CREBBP: variants seen among roughly 807,000 people sequenced by gnomAD.
The protein encoded by CREBBP is CREB-binding protein.
CREBBP carries 19 observed loss-of-function variants against 265.0 expected under a neutral mutation model. The observed-to-expected ratio is 0.07, with a 90% CI of 0.05 to 0.11. The LOEUF (loss-of-function observed/expected upper bound fraction) is 0.11. Among genes scored for constraint, CREBBP ranks in the 10% least tolerant of loss-of-function variants. The probability of loss-of-function intolerance (pLI) is 1.00; values close to 1 mark genes in which losing one functional copy is unlikely to be tolerated. For missense variants in CREBBP, 2,525 were observed against 3,219.0 expected (o/e 0.78, Z 5.22); for synonymous variants, 1,457 against 1,223.7 (o/e 1.19, Z -3.98).
At chr16:3,740,168 C>T (rs113336820) in intron 24 of CREBBP, among the ~76,000 whole-genome samples, 2 of 152,188 alleles carry the variant, frequency 1.3e-5, no homozygotes, top group Non-Finnish European at 2.9e-5. Flanking sequence ...AAATTATAAA[C>T]AGTATACTAT....
At chr16:3,873,577 A>G (rs1473245867) in intron 1 of CREBBP, among the ~76,000 whole-genome samples, 1 of 152,210 alleles carries the variant, frequency 6.6e-6, no homozygotes, top group African/African-American at 2.4e-5. Context: ...TCCCTGGTTA[A>G]CGCTAGTGTC....
chr16:3,727,077 A>T lies in CREBBP; in HGVS notation c.*641T>A. The T allele has an allele frequency of 4.3e-6, 1 of 234,120 alleles. No homozygotes were observed. Among genetic ancestry groups the T allele is most frequent in the Non-Finnish European group, 8.4e-6 (1 of 118,394 alleles). The allele number at this position is 234,120 out of a possible 1,614,324, so 14.5% of individuals were successfully genotyped here. A position where few individuals can be genotyped will look rare whatever the true frequency, so the allele number is the denominator to read the frequency against. On this transcript the variant is annotated 3_prime_UTR_variant, in exon 31 of 31. Transcript: ENST00000262367. ...GTCTAAAACCAGTTTTATCAGAGAAACAAAGCAACAATTTCTACATCTGCA... is the reference window on the plus strand; with the variant it reads ...GTCTAAAACCAGTTTTATCAGAGAATCAAAGCAACAATTTCTACATCTGCA...
chr16:3,867,314 G>A (rs2055196381), intron 1 of CREBBP, among the ~76,000 whole-genome samples: 1 of 152,106 alleles, frequency 6.6e-6, no homozygotes, highest in East Asian at 1.9e-4. Context: ...AACATAGCAA[G>A]ACCCTGTCTC....
rs755425299 is a variant in CREBBP at position 3,731,200 on chromosome 16, C to G, written c.5164G>C (p.Val1722Leu). The G allele has an allele frequency of 6.2e-7, 1 of 1,612,550 alleles. No individual in the cohort carries two copies. The highest frequency in any genetic ancestry group is 2.2e-5 in the East Asian group (1 of 44,838). The change falls in exon 30 of 31, where the codon GTG becomes CTG. Residue 1722 changes from valine to leucine, a missense_variant. By Grantham distance (32) the Val-to-Leu change is conservative. Around this residue, in one of 19 missense-constraint regions of CREBBP, gnomAD observed 62 missense variants for 156.2 expected, o/e 0.40. Transcript: ENST00000262367. This position sits in a 1 kb window ranked among gnomAD's most constrained non-coding sequence, Gnocchi z 7.7. ...GTGGGGGCAGGGCCTACCTCGCACA[C>G]AGTGCAGTGCCAGCGCGTCTCCACG... is the stretch of plus-strand genomic sequence containing the variant. ...HHVETRWHCT[V>L]CEDYDLCINC...
chr16:3,739,776 G>A (rs2151337977), intron 24 of CREBBP, 52 bp from the exon 25 acceptor site: 1 of 1,613,070 alleles, frequency 6.2e-7, no homozygotes, highest in African/African-American at 1.3e-5. Flanking sequence ...CTGACAAGGT[G>A]CTTCTGCACA....
At chr16:3,768,280 G>C (rs537809491) in intron 15 of CREBBP, among the ~76,000 whole-genome samples, 1 of 150,246 alleles carries the variant, frequency 6.7e-6, no homozygotes, top group East Asian at 2.0e-4. Context: ...CGAGTAGCTG[G>C]GATTACACGT....
At chr16:3,753,700 A>G (rs186174622) in intron 19 of CREBBP, among the ~76,000 whole-genome samples, 1 of 152,342 alleles carries the variant, frequency 6.6e-6, no homozygotes, top group Admixed American at 6.5e-5. Context: ...TACAGAAACT[A>G]TAAACCAATT....
In CREBBP at chr16:3,729,283, G is replaced by C. The variant is rs1035114591; in HGVS notation, c.5764C>G (p.Pro1922Ala). 1.2e-5 allele frequency: 18 copies of C among 1,536,354 alleles called. No individual in the cohort carries two copies. Among genetic ancestry groups the C allele is most frequent in the Non-Finnish European group, 1.3e-5 (15 of 1,145,524 alleles). Residue 1922 changes from proline (P) to alanine (A), a missense_variant, in exon 31 of 31, where the codon CCC (proline) becomes GCC (alanine). By Grantham distance (27) the Pro-to-Ala change is conservative (BLOSUM62 -1). This residue lies in a region of CREBBP where 275 missense variants were observed against 276.5 expected (regional missense o/e 0.99). Coordinates refer to ENST00000262367, the MANE Select transcript of CREBBP (RefSeq NM_004380.3). ...GGGGGCTGAGTCCGGGCCACGCTGG[G>C]GAAGCCAGCTGGTGACATGCTCACG... ...SPVSMSPAGF[P>A]SVARTQPPTT...
At chr16:3,783,243 A>C (rs1234552523) in intron 5 of CREBBP, among the ~76,000 whole-genome samples, 2 of 152,222 alleles carry the variant, frequency 1.3e-5, no homozygotes, top group Non-Finnish European at 2.9e-5. Flanking sequence ...TCAAGAAGTC[A>C]GTTCCAGGGA....
In CREBBP at chr16:3,728,117, C is replaced by A. The variant is rs764944681; in HGVS notation, c.6930G>T (p.Gln2310His). The change falls in exon 31 of 31, where the codon CAG becomes CAT. Residue 2310 changes from glutamine (Q) to histidine (H), a missense_variant. Gln to His is a conservative substitution (Grantham distance 24). Coordinates refer to ENST00000262367, the MANE Select transcript of CREBBP (RefSeq NM_004380.3). The surrounding 1 kb of genome is among the most constrained non-coding windows in gnomAD (Gnocchi z 8.7). The stretch of plus-strand genomic sequence containing the variant: ...GTTGCTGGGGGCTCATGGGGTTCGG[C>A]TGGCCTGGGGACCCAATCTGCTGCT... ...QMKQQIGSPG[Q>H]PNPMSPQQHM... The A allele has an allele frequency of 5.0e-6, 8 of 1,614,056 alleles. No individual in the cohort carries two copies. The Admixed American group carries it at 1.3e-4, about 27-fold the overall frequency.
At chr16:3,874,902 G>C (rs2055368928) in intron 1 of CREBBP, among the ~76,000 whole-genome samples, 1 of 152,200 alleles carries the variant, frequency 6.6e-6, no homozygotes. Flanking sequence ...AAACTGACAA[G>C]CTTTTGCAAT....
chr16:3,726,591 T>C lies in CREBBP; in HGVS notation c.*1127A>G, dbSNP rs1596777782. ...TTACAAAGAACAGACTCAAAAAATA[T>C]ATATAAATAAATAAAAACCTTAAAC... On this transcript the variant is annotated 3_prime_UTR_variant, in exon 31 of 31. Coordinates refer to ENST00000262367, the MANE Select transcript of CREBBP (RefSeq NM_004380.3). 4.3e-6 allele frequency: 1 copy of C among 233,508 alleles called. No homozygotes were observed. The highest frequency in any genetic ancestry group is 6.0e-5 in the East Asian group (1 of 16,588). 14.5% of individuals were successfully genotyped at this position (233,508 alleles called of 1,614,324 possible).
rs754399897 is a variant in CREBBP, at chr16:3,745,358, G to A, written c.3837-4C>T. The A allele has an allele frequency of 2.9e-5, 47 of 1,613,890 alleles. No homozygotes were observed. Among genetic ancestry groups the A allele is most frequent in the Non-Finnish European group, 3.9e-5 (46 of 1,179,904 alleles). On this transcript the variant is annotated splice_region_variant and splice_polypyrimidine_tract_variant and intron_variant, in intron 21 of 30. Coordinates refer to ENST00000262367, the MANE Select transcript of CREBBP (RefSeq NM_004380.3). Reference sequence around the variant, plus strand: ...ACACTCCTTGCAATCAACGAAACTAGGAGGCAAAGAAGGCGCACTGTTAAA... The same window carrying A: ...ACACTCCTTGCAATCAACGAAACTAAGAGGCAAAGAAGGCGCACTGTTAAA...
chr16:3,786,147 G>C (rs913272756), intron 5 of CREBBP, among the ~76,000 whole-genome samples: 2 of 152,186 alleles, frequency 1.3e-5, no homozygotes, highest in Admixed American at 6.5e-5. Context: ...TGGATCACTT[G>C]AGGTCAGGAG....
At position 3,731,782 on chromosome 16, in the gene CREBBP, G is replaced by A. The variant is rs1278014470; in HGVS notation, c.4884C>T (p.His1628=). 6.2e-7 allele frequency: 1 copy of A among 1,614,258 alleles called. No homozygotes were observed. The highest frequency in any genetic ancestry group is 8.5e-7 in the Non-Finnish European group (1 of 1,180,054). The change falls in exon 29 of 31, where the codon CAC becomes CAT. Residue 1628 remains histidine (H), a synonymous_variant. Coordinates refer to ENST00000262367, the MANE Select transcript of CREBBP (RefSeq NM_004380.3). The surrounding 1 kb of genome is among the most constrained non-coding windows in gnomAD (Gnocchi z 7.7). ...CACCGCAGCCCACGCCTACCTCCTT[G>A]TGCTTCTCCATGGTGGCATACAGCT... ...SQKLYATMEK[H]KEVFFVIHLH... is the part of the protein sequence containing the mutation.
At chr16:3,805,361 C>G (rs919046488) in intron 3 of CREBBP, among the ~76,000 whole-genome samples, 6 of 152,208 alleles carry the variant, frequency 3.9e-5, no homozygotes, top group Non-Finnish European at 8.8e-5. Context: ...GATGACATGA[C>G]TATTCACCTG....
chr16:3,870,224 CAGG>C, intron 1 of CREBBP, among the ~76,000 whole-genome samples: 1 of 152,042 alleles, frequency 6.6e-6, no homozygotes, highest in Non-Finnish European at 1.5e-5. Context: ...ATAGAATCTG[CAGG>C]AGGAGAAAAG....
intron 3 of CREBBP, among the ~76,000 whole-genome samples, chr16:3,795,257 T>C (rs1225597361): frequency 6.6e-6 from 1 of 152,164 alleles, no homozygotes; most frequent in African/African-American, 2.4e-5. Flanking sequence ...TTTTTCCTGA[T>C]TATAAAAGTA....
Position 3,849,444 on chromosome 16 carries a change from T to TGTGGTGTG in CREBBP, c.798+852_798+853insCACACCAC, listed in dbSNP as rs1567360560. Among the ~76,000 whole-genome samples the TGTGGTGTG allele has an allele frequency of 8.1e-5, 2 of 24,836 alleles. 1 individual carries two copies. Among genetic ancestry groups the TGTGGTGTG allele is most frequent in the African/African-American group, 1.4e-4 (2 of 14,310 alleles). 16.3% of individuals were successfully genotyped at this position (24,836 alleles called of 152,430 possible). A position where few individuals can be genotyped will look rare whatever the true frequency, so the allele number is the denominator to read the frequency against. On this transcript the variant is annotated intron_variant, in intron 2 of 30. Transcript: ENST00000262367. The stretch of plus-strand genomic sequence containing the variant: ...GTGTGTGTGTGTGTGTGTGTGTGTG[T>TGTGGTGTG]GTGTGTGTGTGTGTGTGTGTGTGTG...
Sources: gnomAD v4.1 joint callset for allele counts (sites outside exome capture counted in the v4.1 genomes callset) on GRCh38, gnomAD v4.1.1 for gene constraint, gnomAD v4.1.1 regional missense constraint, Gnocchi (gnomAD v3.1) non-coding constraint, MANE v1.5 for transcripts, NCBI Gene and HGNC (gene_info 2026-07-23, HGNC 2026-07-21) for gene names.